TPRX1: variants seen among roughly 807,000 people sequenced by gnomAD.
TPRX1 encodes the protein tetra-peptide repeat homeobox protein 1.
A neutral mutation model predicts 8.1 loss-of-function variants in TPRX1; 2 were observed. That is an observed-to-expected ratio of 0.25 (90% CI 0.10 to 0.78). TPRX1 has a LOEUF of 0.78. Ranked by LOEUF, TPRX1 falls within the 30% of genes least tolerant of loss-of-function variation. The pLI is 0.70. For synonymous variants in TPRX1, 257 were observed against 254.1 expected, an observed-to-expected ratio of 1.01 and a Z score of -0.11; for missense variants, 517 against 586.9, an observed-to-expected ratio of 0.88 and a Z score of 1.23.
At chr19:47,811,592 G>A (rs573738981) in intron 2 of TPRX1, among the ~76,000 whole-genome samples, 303 of 148,870 alleles carry the variant, frequency 2.0e-3, no homozygotes, top group African/African-American at 7.1e-3. Context: ...TCCGCCTCCC[G>A]GATTCAAGCG....
At chr19:47,802,545 G>A in exon 4 of TPRX1, 1 of 1,550,898 alleles carries the variant, frequency 6.4e-7, no homozygotes, top group Non-Finnish European at 8.7e-7. Flanking sequence ...CCTGAAATTG[G>A]GCCTGGGATT....
At chr19:47,806,590 A>G (rs1006070798) in intron 2 of TPRX1, among the ~76,000 whole-genome samples, 2 of 152,150 alleles carry the variant, frequency 1.3e-5, no homozygotes, top group African/African-American at 2.4e-5. Context: ...TATTTACACA[A>G]TGGGATATTA....
At chr19:47,813,959 G>A (rs938842673) in intron 2 of TPRX1, among the ~76,000 whole-genome samples, 14 of 150,300 alleles carry the variant, frequency 9.3e-5, no homozygotes, top group South Asian at 4.2e-4. Context: ...GTGGGGGCGG[G>A]GTGGGGGTGG....
chr19:47,801,850 T>C (rs1274485829), exon 4 of TPRX1: 11 of 1,614,164 alleles, frequency 6.8e-6, no homozygotes, highest in Non-Finnish European at 5.9e-6. Flanking sequence ...GCTGAGACCC[T>C]GAGTGTTTTT....
At chr19:47,813,187 C>T (rs998738246) in intron 2 of TPRX1, among the ~76,000 whole-genome samples, 3 of 146,870 alleles carry the variant, frequency 2.0e-5, no homozygotes, top group African/African-American at 5.1e-5. Flanking sequence ...ATTAGCCAGG[C>T]GGAGTGGCGT....
Position 47,801,577 on chromosome 19 carries a change from C to T in TPRX1, c.*198G>A, listed in dbSNP as rs372442580. ...AGCGACTCCAATCCCAGCAGAGAAA[C>T]GCTCAGGCTCAATTCAAATGACAGG... On this transcript the variant is annotated 3_prime_UTR_variant, in exon 4 of 4. Transcript: ENST00000535759. 1.6e-4 allele frequency: 99 copies of T among 613,476 alleles called. 1 individual carries two copies. The Middle Eastern group carries it at 1.8e-3, about 11-fold the overall frequency. 38.0% of individuals were successfully genotyped at this position (613,476 alleles called of 1,614,324 possible).
At chr19:47,816,639 T>C (rs906866792) in intron 2 of TPRX1, among the ~76,000 whole-genome samples, 1 of 151,376 alleles carries the variant, frequency 6.6e-6, no homozygotes, top group Non-Finnish European at 1.5e-5. Flanking sequence ...TTCATGCCAT[T>C]CTCCTACCTC....
intron 2 of TPRX1, among the ~76,000 whole-genome samples, chr19:47,813,213 G>A (rs545429120): frequency 1.3e-5 from 2 of 148,432 alleles, no homozygotes; most frequent in South Asian, 4.3e-4. Flanking sequence ...TGTAGTCCCA[G>A]CTACTTGGGA....
intron 2 of TPRX1, among the ~76,000 whole-genome samples, chr19:47,809,844 C>A (rs1967766701): frequency 6.6e-6 from 1 of 151,982 alleles, no homozygotes; most frequent in Admixed American, 6.6e-5. Flanking sequence ...CTGGGGCTCC[C>A]CAGGCAATGG....
exon 4 of TPRX1, chr19:47,801,450 A>T: frequency 4.1e-6 from 1 of 245,128 alleles, no homozygotes; most frequent in Admixed American, 5.2e-5. Context: ...AAAGTCTCAC[A>T]ATCCTAAGTG....
intron 2 of TPRX1, among the ~76,000 whole-genome samples, chr19:47,816,079 T>A (rs1967837189): frequency 1.3e-5 from 2 of 151,990 alleles, no homozygotes; most frequent in Admixed American, 1.3e-4. Flanking sequence ...ATATATATAT[T>A]TTTGAGACAG....
chr19:47,813,912 G>A (rs1967807926), intron 2 of TPRX1, among the ~76,000 whole-genome samples: 1 of 148,592 alleles, frequency 6.7e-6, no homozygotes, highest in African/African-American at 2.5e-5. Flanking sequence ...CAGAGGACGA[G>A]GGAGACCAGA....
intron 2 of TPRX1, among the ~76,000 whole-genome samples, chr19:47,812,290 G>A (rs1212717862): frequency 1.5e-4 from 23 of 152,082 alleles, no homozygotes; most frequent in Non-Finnish European, 1.5e-5. Context: ...GGGAAGGCAG[G>A]CGTTACTCAA....
chr19:47,801,893 G>C (rs138810035), exon 4 of TPRX1: 3 of 1,614,086 alleles, frequency 1.9e-6, no homozygotes. Flanking sequence ...TTGGTACTGA[G>C]AGGTCATGGT....
intron 2 of TPRX1, among the ~76,000 whole-genome samples, chr19:47,805,627 C>T (rs1405063039): frequency 1.3e-5 from 2 of 152,178 alleles, no homozygotes; most frequent in Admixed American, 1.3e-4. Context: ...ACGGGCCTCG[C>T]TCATTGTTTT....
rs1279450399 is a variant in TPRX1, at chr19:47,803,116, G to GC, written c.322-137dup. 63 of 801,906 alleles carry GC rather than the reference G, an allele frequency of 7.9e-5. No homozygotes were observed. In the East Asian group the frequency reaches 3.1e-3, roughly 39 times the overall value. 49.7% of individuals were successfully genotyped at this position (801,906 alleles called of 1,614,324 possible). A position where few individuals can be genotyped will look rare whatever the true frequency, so the allele number is the denominator to read the frequency against. On this transcript the variant is annotated intron_variant, in intron 3 of 3. Transcript: ENST00000535759. ...CCATCCCCCACCCCACCAAAAGAGG[G>GC]CCCCGGCTCCAAGGCCTGGAGAATG...
chr19:47,809,904 G>A (rs1294967391), intron 2 of TPRX1, among the ~76,000 whole-genome samples: 3 of 152,004 alleles, frequency 2.0e-5, no homozygotes, highest in African/African-American at 7.2e-5. Flanking sequence ...GAAGCCTGGG[G>A]CAAGAGTGAT....
intron 2 of TPRX1, among the ~76,000 whole-genome samples, chr19:47,811,001 T>G (rs11878298): frequency 0.09 from 13,545 of 151,012 alleles, 696 homozygotes; most frequent in South Asian, 0.12. Context: ...CTGTTTTTTT[T>G]TTTTTTTAAT....
intron 2 of TPRX1, among the ~76,000 whole-genome samples, chr19:47,810,153 G>C (rs1951418969): frequency 6.8e-6 from 1 of 147,762 alleles, no homozygotes; most frequent in South Asian, 2.2e-4. Context: ...TACTTGGGAG[G>C]CTGAGTTAGG....
Sources: allele counts gnomAD v4.1 joint callset (sites outside exome capture counted in the v4.1 genomes callset), GRCh38; gene constraint gnomAD v4.1.1; transcripts MANE v1.5; gene names NCBI Gene and HGNC (gene_info 2026-07-23, HGNC 2026-07-21).